ACOT12: variants seen among roughly 807,000 people sequenced by gnomAD.
The protein encoded by ACOT12 is acetyl-coenzyme A thioesterase.
ACOT12 carries 51 observed loss-of-function variants against 67.7 expected under a neutral mutation model. The ratio of observed to expected loss-of-function variants is 0.75; its 90% confidence interval spans 0.60 to 0.95. The LOEUF (loss-of-function observed/expected upper bound fraction) is 0.95. ACOT12 is among the 40% of genes least tolerant of loss of function. The pLI is 0.00. For missense variants in ACOT12, 734 were observed against 708.1 expected (o/e 1.04, Z -0.41); for synonymous variants, 251 against 244.6 (o/e 1.03, Z -0.24).
At chr5:81,374,562 C>A (rs542149423) in intron 2 of ACOT12, among the ~76,000 whole-genome samples, 4 of 152,208 alleles carry the variant, frequency 2.6e-5, no homozygotes, top group African/African-American at 9.6e-5. Context: ...GGAGCATGTT[C>A]TAACCCAATG....
At position 81,360,022 on chromosome 5, in the gene ACOT12, A is replaced by G; in HGVS notation, c.377T>C (p.Val126Ala). Residue 126 changes from valine (V) to alanine (A), a missense_variant, in exon 5 of 15, where the codon GTC becomes GCC. Physicochemically the swap from Val to Ala is moderately conservative, Grantham distance 64 (BLOSUM62 0). Coordinates refer to ENST00000307624, the MANE Select transcript of ACOT12 (RefSeq NM_130767.3). ...ATGATCTTGTTCAGTTAGAAGTGTG[A>G]CTGGTTTTAAATGAATCTAGAGAAA... ...VGKEKIHLKP[V>A]TLLTEQDHVE... The G allele has an allele frequency of 1.9e-6, 3 of 1,605,030 alleles. No individual in the cohort carries two copies. The highest frequency in any genetic ancestry group is 1.7e-6 in the Non-Finnish European group (2 of 1,178,098).
intron 11 of ACOT12, among the ~76,000 whole-genome samples, chr5:81,340,005 G>T (rs1391785097): frequency 6.6e-6 from 1 of 151,620 alleles, no homozygotes; most frequent in Non-Finnish European, 1.5e-5. Context: ...GACTACAGGT[G>T]GATGCTGTCA....
chr5:81,308,685 G>GT, the ACOT12 span: 2 of 1,612,610 alleles, frequency 1.2e-6, no homozygotes, highest in Non-Finnish European at 1.7e-6. Context: ...ATAACCAAGT[G>GT]TAAGGCTAAA....
At chr5:81,364,202 T>C (rs1240367514) in intron 3 of ACOT12, among the ~76,000 whole-genome samples, 1 of 151,132 alleles carries the variant, frequency 6.6e-6, no homozygotes, top group Admixed American at 6.6e-5. Context: ...TCTTCTAGCT[T>C]TTTCTATATA....
At chr5:81,346,648 C>A (rs370579333) in intron 6 of ACOT12, among the ~76,000 whole-genome samples, 2 of 152,236 alleles carry the variant, frequency 1.3e-5, no homozygotes, top group South Asian at 2.1e-4. Context: ...CAACACCAAG[C>A]GAACAGATGC....
At chr5:81,360,827 G>A (rs115174131) in intron 4 of ACOT12, among the ~76,000 whole-genome samples, 1,549 of 152,072 alleles carry the variant, frequency 0.01, 33 homozygotes, top group African/African-American at 0.035. Context: ...TTGTGGGGCT[G>A]AGGTGGGTGA....
chr5:81,366,330 T>C (rs1356391213), intron 3 of ACOT12, among the ~76,000 whole-genome samples: 1 of 152,010 alleles, frequency 6.6e-6, no homozygotes, highest in African/African-American at 2.4e-5. Flanking sequence ...AAATATTAGA[T>C]GCAAGAAAAT....
intron 13 of ACOT12, 147 bp downstream of exon 13, chr5:81,332,330 T>TAAA: frequency 2.2e-6 from 2 of 910,654 alleles, no homozygotes. Context: ...TTTAAAATAA[T>TAAA]AGCTAAAGAT....
chr5:81,320,209 G>T, the ACOT12 span, among the ~76,000 whole-genome samples: 1 of 152,216 alleles, frequency 6.6e-6, no homozygotes, highest in East Asian at 1.9e-4. Flanking sequence ...TTAAGTGAAT[G>T]CAGGAGCTTC....
At chr5:81,380,161 G>A (rs924567902) in intron 2 of ACOT12, among the ~76,000 whole-genome samples, 5 of 152,120 alleles carry the variant, frequency 3.3e-5, no homozygotes, top group Non-Finnish European at 5.9e-5. Flanking sequence ...TTATAAGTTT[G>A]AAAACTGATA....
chr5:81,382,325 A>C (rs1760606875), intron 2 of ACOT12, among the ~76,000 whole-genome samples: 1 of 152,116 alleles, frequency 6.6e-6, no homozygotes, highest in Non-Finnish European at 1.5e-5. Flanking sequence ...CTCCTTGGAG[A>C]AATAATGGAT....
intron 1 of ACOT12, among the ~76,000 whole-genome samples, chr5:81,387,665 G>A (rs1760765360): frequency 6.6e-6 from 1 of 151,990 alleles, no homozygotes; most frequent in Non-Finnish European, 1.5e-5. Context: ...AAGTAGCTGG[G>A]ACTATAGGCA....
intron 2 of ACOT12, among the ~76,000 whole-genome samples, chr5:81,376,367 A>G (rs1760411893): frequency 6.6e-6 from 1 of 151,926 alleles, no homozygotes; most frequent in Non-Finnish European, 1.5e-5. Context: ...TATAGCACTG[A>G]ATGCCCAGAA....
At chr5:81,324,054 G>T in the ACOT12 span, among the ~76,000 whole-genome samples, 3 of 151,856 alleles carry the variant, frequency 2.0e-5, no homozygotes, top group Non-Finnish European at 4.4e-5. Context: ...CAATTCTTCT[G>T]CCTCAGCCTC....
intron 8 of ACOT12, among the ~76,000 whole-genome samples, 161 bp downstream of exon 8, chr5:81,344,730 G>T (rs1759317739): frequency 6.6e-6 from 1 of 152,068 alleles, no homozygotes; most frequent in Admixed American, 6.6e-5. Flanking sequence ...GAGTGATCGG[G>T]GGGAAAAGGA....
rs1758768062 is a variant in ACOT12, at chr5:81,330,161, T to C, written c.*233A>G. ...GGCAATTTTCCACTATCTGTGCCCC[T>C]GGAAGAGGCAGAGCCACAGATGACT... On this transcript the variant is annotated 3_prime_UTR_variant, in exon 15 of 15. Coordinates refer to ENST00000307624, the MANE Select transcript of ACOT12 (RefSeq NM_130767.3). 2.4e-6 allele frequency: 1 copy of C among 417,952 alleles called. No homozygotes were observed. The highest frequency in any genetic ancestry group is 2.0e-5 in the African/African-American group (1 of 50,548). The allele number at this position is 417,952 out of a possible 1,614,324, so 25.9% of individuals were successfully genotyped here. A position where few individuals can be genotyped will look rare whatever the true frequency, so the allele number is the denominator to read the frequency against.
At chr5:81,370,649 A>G (rs6452403) in intron 3 of ACOT12, among the ~76,000 whole-genome samples, 95,078 of 152,078 alleles carry the variant, frequency 0.63, 31,928 homozygotes, top group African/African-American at 0.86. Context: ...GTAGGAGAGC[A>G]GCATGAACAG....
At chr5:81,375,276 C>T (rs1169089388) in intron 2 of ACOT12, among the ~76,000 whole-genome samples, 2 of 152,174 alleles carry the variant, frequency 1.3e-5, no homozygotes, top group African/African-American at 4.8e-5. Context: ...AAATCCTTTA[C>T]AGGCAGGCAA....
intron 10 of ACOT12, 123 bp from the exon 11 acceptor site, chr5:81,342,878 T>C (rs1201421749): frequency 3.9e-6 from 4 of 1,024,958 alleles, no homozygotes; most frequent in Non-Finnish European, 5.8e-6. Flanking sequence ...AGTGATAATG[T>C]TGAGTTTAGA....
Sources: allele counts gnomAD v4.1 joint callset (sites outside exome capture counted in the v4.1 genomes callset), GRCh38; gene constraint gnomAD v4.1.1; transcripts MANE v1.5; gene names NCBI Gene and HGNC (gene_info 2026-07-23, HGNC 2026-07-21).